ZBTB38: variants seen among roughly 807,000 people sequenced by gnomAD.
ZBTB38 encodes the protein zinc finger and BTB domain containing 38.
A neutral mutation model predicts 76.8 loss-of-function variants in ZBTB38; 20 were observed. The ratio of observed to expected loss-of-function variants is 0.26; its 90% CI spans 0.18 to 0.38. The LOEUF (loss-of-function observed/expected upper bound fraction) is 0.38. Ranked by LOEUF, ZBTB38 falls within the 10% of genes least tolerant of loss-of-function variation. The pLI is 1.00. For synonymous variants in ZBTB38, 504 were observed against 544.2 expected, an observed-to-expected ratio of 0.93 and a Z score of 1.03; for missense variants, 1,082 against 1,482.3, an observed-to-expected ratio of 0.73 and a Z score of 4.43.
At chr3:141,419,417 G>A (rs1559948329) in intron 5 of ZBTB38, among the ~76,000 whole-genome samples, 1 of 152,144 alleles carries the variant, frequency 6.6e-6, no homozygotes, top group African/African-American at 2.4e-5. Flanking sequence ...AAGCACAACT[G>A]TTAAGCATAC....
chr3:141,339,173 T>C (rs1410313537), intron 1 of ZBTB38, among the ~76,000 whole-genome samples: 4 of 152,126 alleles, frequency 2.6e-5, no homozygotes, highest in African/African-American at 9.7e-5. Flanking sequence ...ATTCTGGATA[T>C]GTTCAGGAAA....
At position 141,339,263 on chromosome 3, in the gene ZBTB38, C is replaced by A. The variant is rs753909402; in HGVS notation, c.-739+14807C>A. Reference sequence around the variant, plus strand: ...GGTAAGATCAGAGAGGAAGCCAGACCCAGTTCACTTGAACTGTTCTAGGCC... The same window carrying A: ...GGTAAGATCAGAGAGGAAGCCAGACACAGTTCACTTGAACTGTTCTAGGCC... On this transcript the variant is annotated intron_variant, in intron 1 of 7. Coordinates refer to the ZBTB38 transcript ENST00000509842. Among the ~76,000 whole-genome samples the A allele has an allele frequency of 4.5e-4, 68 of 152,294 alleles. 1 individual carries two copies. Among genetic ancestry groups the A allele is most frequent in the South Asian group, 1.0e-3 (5 of 4,826 alleles).
At chr3:141,337,064 C>T (rs1039277587) in intron 1 of ZBTB38, among the ~76,000 whole-genome samples, 1 of 152,250 alleles carries the variant, frequency 6.6e-6, no homozygotes, top group Non-Finnish European at 1.5e-5. Context: ...TTGACGCCCA[C>T]TTCCAGTTCT....
At chr3:141,399,580 G>A (rs528302629) in intron 4 of ZBTB38, among the ~76,000 whole-genome samples, 79 of 152,230 alleles carry the variant, frequency 5.2e-4, no homozygotes, top group African/African-American at 1.9e-3. Flanking sequence ...ATAGAATTTG[G>A]TGAGAACCCA....
intron 2 of ZBTB38, among the ~76,000 whole-genome samples, chr3:141,374,468 G>A (rs1249443690): frequency 2.0e-5 from 3 of 152,168 alleles, no homozygotes; most frequent in Admixed American, 1.3e-4. Flanking sequence ...ACTCCTCCAC[G>A]GAGGCATTGA....
Position 141,446,484 on chromosome 3 carries a change from T to G in ZBTB38, c.*508T>G, listed in dbSNP as rs996176978. On this transcript the variant is annotated 3_prime_UTR_variant, in exon 6 of 6. Coordinates refer to ENST00000321464, the MANE Select transcript of ZBTB38 (RefSeq NM_001376113.1). ...AATTAATGGATACACATGAAATACTTAAACAATATAACTGAAATTATGTGC... is the reference window on the plus strand; with the variant it reads ...AATTAATGGATACACATGAAATACTGAAACAATATAACTGAAATTATGTGC... The G allele has an allele frequency of 6.5e-6, 1 of 153,124 alleles. No homozygotes were observed. Among genetic ancestry groups the G allele is most frequent in the Non-Finnish European group, 1.5e-5 (1 of 68,430 alleles). 9.5% of individuals were successfully genotyped at this position (153,124 alleles called of 1,614,324 possible).
At chr3:141,362,316 C>A (rs1359947727) in intron 1 of ZBTB38, among the ~76,000 whole-genome samples, 3 of 151,998 alleles carry the variant, frequency 2.0e-5, no homozygotes, top group Admixed American at 1.3e-4. Flanking sequence ...TTTGAATTCC[C>A]AAAATTCACC....
chr3:141,445,960 A>C lies in ZBTB38; in HGVS notation c.3572A>C (p.Glu1191Ala), dbSNP rs768437424. Residue 1191 changes from glutamate to alanine, a missense_variant, in exon 6 of 6, where the codon GAA becomes GCA. Glu to Ala is a moderately radical substitution (Grantham distance 107, BLOSUM62 -1). Transcript: ENST00000321464. This position sits in a 1 kb window ranked among gnomAD's most constrained non-coding sequence, Gnocchi z 6.5. ...AAGGATAACATACAAACCGGTGTGG[A>C]AAATGTTGTCCTTTGAGTGGCAAGA... is the stretch of plus-strand genomic sequence containing the variant. ...DQKDNIQTGV[E>A]NVVL The C allele has an allele frequency of 7.0e-6, 11 of 1,582,350 alleles. No homozygotes were observed. The Admixed American group carries it at 1.8e-4, about 25-fold the overall frequency.
intron 4 of ZBTB38, chr3:141,389,082 C>T (rs1034382184): frequency 3.3e-5 from 5 of 152,232 alleles, no homozygotes; most frequent in African/African-American, 1.2e-4. Context: ...TCCAAGCCTA[C>T]CCCTCCAATG....
At chr3:141,366,403 T>C (rs554964847), upstream of ZBTB38, 2 of 152,304 alleles carry the variant, frequency 1.3e-5, no homozygotes, top group Admixed American at 6.5e-5. Flanking sequence ...AATAAACAAG[T>C]CTTCTGCCAA....
chr3:141,359,279 A>G (rs973049102), intron 1 of ZBTB38, among the ~76,000 whole-genome samples: 6 of 152,164 alleles, frequency 3.9e-5, no homozygotes, highest in African/African-American at 1.4e-4. Context: ...ACAATTGCCT[A>G]CAGAAACCTG....
rs1213307474 is a variant in ZBTB38, at chr3:141,445,429, T to C, written c.3041T>C (p.Leu1014Pro). The C allele has an allele frequency of 6.2e-7, 1 of 1,613,990 alleles. No individual in the cohort carries two copies. Among genetic ancestry groups the C allele is most frequent in the Admixed American group, 1.7e-5 (1 of 60,020 alleles). The change falls in exon 6 of 6, where the codon CTC (leucine) becomes CCC (proline). Residue 1014 changes from leucine (L) to proline (P), a missense_variant. Physicochemically the swap from Leu to Pro is moderately conservative, Grantham distance 98. Transcript: ENST00000321464. This position sits in a 1 kb window ranked among gnomAD's most constrained non-coding sequence, Gnocchi z 6.5. ...HLTSRPYACE[L>P]CAKQFQSPST... Reference sequence around the variant, plus strand: ...ACTTCTCGGCCATATGCCTGCGAGCTCTGCGCCAAGCAGTTCCAGAGCCCT... The same window carrying C: ...ACTTCTCGGCCATATGCCTGCGAGCCCTGCGCCAAGCAGTTCCAGAGCCCT...
intron 5 of ZBTB38, among the ~76,000 whole-genome samples, chr3:141,417,522 C>T (rs183789281): frequency 8.2e-4 from 125 of 152,252 alleles, no homozygotes; most frequent in African/African-American, 2.8e-3. Flanking sequence ...TCCAGTTAGT[C>T]GATTCTTCAT....
intron 5 of ZBTB38, among the ~76,000 whole-genome samples, chr3:141,429,195 A>T (rs542662240): frequency 1.3e-5 from 2 of 152,218 alleles, no homozygotes; most frequent in Non-Finnish European, 2.9e-5. Context: ...AAAGCAGAGC[A>T]GGGCAAGGGG....
chr3:141,373,354 A>T (rs1295635843), intron 2 of ZBTB38, among the ~76,000 whole-genome samples: 3 of 152,244 alleles, frequency 2.0e-5, no homozygotes, highest in African/African-American at 7.2e-5. Context: ...TCATCTAAAG[A>T]TCTGAGCCTG....
At chr3:141,355,498 G>C (rs940263729) in intron 1 of ZBTB38, among the ~76,000 whole-genome samples, 1 of 152,016 alleles carries the variant, frequency 6.6e-6, no homozygotes, top group African/African-American at 2.4e-5. Context: ...CCCTCTAGGG[G>C]GCCATGGAAA....
chr3:141,404,202 G>A (rs745711933), intron 5 of ZBTB38, among the ~76,000 whole-genome samples, 171 bp downstream of exon 5: 8 of 152,186 alleles, frequency 5.3e-5, no homozygotes, highest in Non-Finnish European at 8.8e-5. Context: ...TGAAGCCCCC[G>A]TGATGAAGGG....
chr3:141,415,337 G>A (rs1490310634), intron 5 of ZBTB38, among the ~76,000 whole-genome samples: 2 of 152,104 alleles, frequency 1.3e-5, no homozygotes, highest in South Asian at 4.1e-4. Context: ...TGGACTCTAG[G>A]GGGGCCAGGG....
chr3:141,395,599 TATA>T (rs914898986), intron 4 of ZBTB38, among the ~76,000 whole-genome samples: 2 of 152,148 alleles, frequency 1.3e-5, no homozygotes, highest in African/African-American at 4.8e-5. Context: ...TACAATAATA[TATA>T]ATATTAAGTA....
Sources: allele counts gnomAD v4.1 joint callset (sites outside exome capture counted in the v4.1 genomes callset), GRCh38; gene constraint gnomAD v4.1.1; non-coding constraint Gnocchi (gnomAD v3.1); transcripts MANE v1.5; gene names NCBI Gene and HGNC (gene_info 2026-07-23, HGNC 2026-07-21).